Variants in CCDC85A observed in about 807,000 individuals in gnomAD.
CCDC85A encodes coiled-coil domain containing 85A, also known as coiled-coil domain-containing protein 85A.
In CCDC85A, 38 loss-of-function variants were observed where a neutral mutation model predicts 50.2. The observed-to-expected ratio is 0.76, with a 90% CI of 0.58 to 0.99. The LOEUF (loss-of-function observed/expected upper bound fraction) is 0.99, where lower values mean the gene tolerates loss of function less well. CCDC85A is among the 50% of genes least tolerant of loss of function. CCDC85A has a pLI of 0.00. For synonymous variants in CCDC85A, 366 were observed against 301.4 expected, an observed-to-expected ratio of 1.21 and a Z score of -2.22; for missense variants, 820 against 742.0, an observed-to-expected ratio of 1.11 and a Z score of -1.22.
intron 2 of CCDC85A, among the ~76,000 whole-genome samples, chr2:56,289,341 A>G (rs186052896): frequency 2.2e-4 from 33 of 152,306 alleles, no homozygotes; most frequent in African/African-American, 6.7e-4. Flanking sequence ...AGATCATCCA[A>G]CATAGTGTAA....
At chr2:56,381,464 G>A (rs551446373) in intron 5 of CCDC85A, among the ~76,000 whole-genome samples, 8 of 152,098 alleles carry the variant, frequency 5.3e-5, no homozygotes, top group African/African-American at 1.4e-4. Flanking sequence ...TTCATAATTC[G>A]GATCTCTGAG....
At chr2:56,370,407 T>TA (rs1676012765) in intron 3 of CCDC85A, among the ~76,000 whole-genome samples, 1 of 152,090 alleles carries the variant, frequency 6.6e-6, no homozygotes, top group East Asian at 1.9e-4. Context: ...ATACCTAGAT[T>TA]AAAAAAATAT....
At chr2:56,220,533 C>T (rs1158587118) in intron 2 of CCDC85A, among the ~76,000 whole-genome samples, 1 of 152,056 alleles carries the variant, frequency 6.6e-6, no homozygotes, top group Non-Finnish European at 1.5e-5. Flanking sequence ...CAGAAAACCA[C>T]AGACAGGGAG....
Position 56,251,853 on chromosome 2 carries a change from G to A in CCDC85A, c.1240+58413G>A, listed in dbSNP as rs972852988. On this transcript the variant is annotated intron_variant, in intron 2 of 5. Coordinates refer to ENST00000407595, the MANE Select transcript of CCDC85A (RefSeq NM_001080433.2). ...AGAACCCTGAACAAGTGGAATGCCCGTAGCAGGAGAGAAGGTGGCTGATTT... is the reference window on the plus strand; with the variant it reads ...AGAACCCTGAACAAGTGGAATGCCCATAGCAGGAGAGAAGGTGGCTGATTT... 3.9e-5 allele frequency among the ~76,000 whole-genome samples: 6 copies of A among 152,024 alleles called. No homozygotes were observed. In the East Asian group the frequency reaches 7.7e-4, roughly 20 times the overall value.
intron 2 of CCDC85A, among the ~76,000 whole-genome samples, chr2:56,237,971 A>T (rs545628649): frequency 6.6e-6 from 1 of 152,302 alleles, no homozygotes; most frequent in South Asian, 2.1e-4. Flanking sequence ...TCTTCACATT[A>T]CAGAGTTGAA....
chr2:56,336,208 G>A (rs775420859), intron 2 of CCDC85A, among the ~76,000 whole-genome samples: 1 of 151,994 alleles, frequency 6.6e-6, no homozygotes, highest in Non-Finnish European at 1.5e-5. Flanking sequence ...AGGCTGGAGT[G>A]CAATGACACT....
intron 2 of CCDC85A, among the ~76,000 whole-genome samples, chr2:56,232,902 C>A (rs1363275550): frequency 6.6e-6 from 1 of 152,138 alleles, no homozygotes; most frequent in Non-Finnish European, 1.5e-5. Flanking sequence ...CACTCACTAC[C>A]CTGATTAAAA....
intron 2 of CCDC85A, among the ~76,000 whole-genome samples, chr2:56,334,895 A>C (rs1318036303): frequency 6.6e-6 from 1 of 152,170 alleles, no homozygotes; most frequent in Non-Finnish European, 1.5e-5. Context: ...GGGAAGAGGA[A>C]CTAACTGTCA....
At chr2:56,343,683 A>G (rs532203279) in intron 3 of CCDC85A, among the ~76,000 whole-genome samples, 9 of 152,194 alleles carry the variant, frequency 5.9e-5, no homozygotes, top group African/African-American at 1.2e-4. Context: ...CATGTGGACA[A>G]TAATATATTT....
chr2:56,380,096 G>A (rs953980222), intron 5 of CCDC85A, among the ~76,000 whole-genome samples: 1 of 151,984 alleles, frequency 6.6e-6, no homozygotes, highest in Admixed American at 6.6e-5. Flanking sequence ...ACAAACATTT[G>A]CTAATACTGA....
chr2:56,268,065 A>C (rs1444385310), intron 2 of CCDC85A, among the ~76,000 whole-genome samples: 1 of 152,166 alleles, frequency 6.6e-6, no homozygotes, highest in East Asian at 1.9e-4. Flanking sequence ...CTTAGATCAG[A>C]TTATCCTTTT....
At chr2:56,359,919 G>A (rs1410018185) in intron 3 of CCDC85A, among the ~76,000 whole-genome samples, 1 of 152,170 alleles carries the variant, frequency 6.6e-6, no homozygotes, top group Non-Finnish European at 1.5e-5. Context: ...GGTGCTTTCG[G>A]AAGGACAGAG....
intron 2 of CCDC85A, among the ~76,000 whole-genome samples, chr2:56,210,426 C>G (rs1677134829): frequency 6.6e-6 from 1 of 152,014 alleles, no homozygotes; most frequent in Non-Finnish European, 1.5e-5. Context: ...TTTCTATTGC[C>G]ATGTGACAAA....
At chr2:56,202,412 A>C (rs556848266) in intron 2 of CCDC85A, among the ~76,000 whole-genome samples, 1 of 152,316 alleles carries the variant, frequency 6.6e-6, no homozygotes, top group Middle Eastern at 3.4e-3. Flanking sequence ...CCCCAAGGCC[A>C]TATTCCTTCC....
intron 2 of CCDC85A, among the ~76,000 whole-genome samples, chr2:56,253,214 AT>A (rs1456496052): frequency 2.6e-5 from 4 of 152,274 alleles, no homozygotes; most frequent in South Asian, 4.1e-4. Context: ...CCCTACGCCC[AT>A]CAAGGATAAA....
At chr2:56,327,176 T>G (rs1673513718) in intron 2 of CCDC85A, among the ~76,000 whole-genome samples, 2 of 152,192 alleles carry the variant, frequency 1.3e-5, no homozygotes, top group Admixed American at 6.6e-5. Context: ...AGAAAGACTA[T>G]CTTAGCTGCC....
chr2:56,382,437 A>G (rs956213374), intron 5 of CCDC85A, among the ~76,000 whole-genome samples: 3 of 151,976 alleles, frequency 2.0e-5, no homozygotes, highest in African/African-American at 4.8e-5. Context: ...GTGGGTTAGT[A>G]TGTAGTTAGC....
At chr2:56,285,369 G>T (rs1458787100) in intron 2 of CCDC85A, among the ~76,000 whole-genome samples, 1 of 150,192 alleles carries the variant, frequency 6.7e-6, no homozygotes, top group Non-Finnish European at 1.5e-5. Context: ...CTCCCAGAGT[G>T]CTGGGATTAT....
intron 2 of CCDC85A, among the ~76,000 whole-genome samples, chr2:56,233,228 G>A (rs1436522906): frequency 2.0e-5 from 3 of 152,168 alleles, no homozygotes; most frequent in Admixed American, 2.0e-4. Context: ...TTCCCGGATA[G>A]GCAAGGAAAT....
Sources: allele counts gnomAD v4.1 joint callset (sites outside exome capture counted in the v4.1 genomes callset), GRCh38; gene constraint gnomAD v4.1.1; transcripts MANE v1.5; gene names NCBI Gene and HGNC (gene_info 2026-07-23, HGNC 2026-07-21).